The following COL23A1 variants were observed in gnomAD, a reference collection of about 807,000 sequenced individuals.
The protein encoded by COL23A1 is collagen alpha-1(XXIII) chain.
COL23A1 carries 97 observed loss-of-function variants against 99.3 expected under a neutral mutation model. The observed-to-expected ratio is 0.98, with a 90% CI of 0.83 to 1.16. The LOEUF is 1.16. Among genes scored for constraint, COL23A1 ranks in the 50% most tolerant of loss-of-function variants. The probability of loss-of-function intolerance (pLI) is 0.00; values close to 1 mark genes in which losing one functional copy is unlikely to be tolerated. For synonymous variants in COL23A1, 320 were observed against 308.2 expected (o/e 1.04, Z -0.40); for missense variants, 762 against 757.4 (o/e 1.01, Z -0.07).
intron 2 of COL23A1, among the ~76,000 whole-genome samples, chr5:178,334,279 C>T (rs906066326): frequency 2.0e-5 from 3 of 152,222 alleles, no homozygotes; most frequent in Admixed American, 2.0e-4. Context: ...ATCAGCAAGA[C>T]GACCCACAAC....
chr5:178,566,774 CCA>C (rs1454228382), intron 1 of COL23A1, among the ~76,000 whole-genome samples: 1 of 151,902 alleles, frequency 6.6e-6, no homozygotes, highest in African/African-American at 2.4e-5. Flanking sequence ...CAAGATCGTG[CCA>C]CTGCACTCCA....
chr5:178,552,191 C>T (rs1377681871), intron 2 of COL23A1, among the ~76,000 whole-genome samples: 2 of 152,172 alleles, frequency 1.3e-5, no homozygotes, highest in East Asian at 3.9e-4. Context: ...TGTTATGGGT[C>T]TTGTACCTCT....
chr5:178,439,859 C>T lies in COL23A1; in HGVS notation c.361+120823G>A, dbSNP rs534070527. 6.6e-6 allele frequency: 1 copy of T among 152,356 alleles called. No homozygotes were observed. The highest frequency in any genetic ancestry group is 2.4e-5 in the African/African-American group (1 of 41,582). The allele number at this position is 152,356 out of a possible 1,614,324, so 9.4% of individuals were successfully genotyped here. On this transcript the variant is annotated intron_variant, in intron 2 of 28. Coordinates refer to ENST00000390654, the MANE Select transcript of COL23A1 (RefSeq NM_173465.4). This position sits in a 1 kb window ranked among gnomAD's most constrained non-coding sequence, Gnocchi z 4.2. The stretch of plus-strand genomic sequence containing the variant: ...GTAGCCAATCAATGGAATACCACTA[C>T]ATGCTACAACATGGATGAGCCCCAG...
At chr5:178,403,856 C>A (rs1418797876) in intron 2 of COL23A1, among the ~76,000 whole-genome samples, 1 of 152,240 alleles carries the variant, frequency 6.6e-6, no homozygotes, top group Non-Finnish European at 1.5e-5. Flanking sequence ...CGCTTGTGAG[C>A]CTTTTGGGGT....
chr5:178,359,829 A>G (rs1357538212), intron 2 of COL23A1, among the ~76,000 whole-genome samples: 1 of 152,226 alleles, frequency 6.6e-6, no homozygotes, highest in Non-Finnish European at 1.5e-5. Flanking sequence ...TAGGGAGAAG[A>G]TGGAGCAGGA....
chr5:178,413,140 C>CAT (rs1181098620), intron 2 of COL23A1, among the ~76,000 whole-genome samples: 1 of 152,066 alleles, frequency 6.6e-6, no homozygotes, highest in Admixed American at 6.6e-5. Context: ...CTATGACTGT[C>CAT]ATAGCATTCC....
chr5:178,359,141 T>C (rs1762040371), intron 2 of COL23A1, among the ~76,000 whole-genome samples: 1 of 152,196 alleles, frequency 6.6e-6, no homozygotes, highest in Non-Finnish European at 1.5e-5. Context: ...GCAGTAAATA[T>C]TCATGCAACC....
intron 1 of COL23A1, among the ~76,000 whole-genome samples, chr5:178,567,384 C>T (rs1762888391): frequency 6.6e-6 from 1 of 152,032 alleles, no homozygotes; most frequent in African/African-American, 2.4e-5. Context: ...CTTACAGTGC[C>T]CGAAAGTAAG....
intron 2 of COL23A1, among the ~76,000 whole-genome samples, chr5:178,496,664 C>T (rs142290114): frequency 4.6e-4 from 70 of 152,242 alleles, no homozygotes; most frequent in African/African-American, 1.6e-3. Flanking sequence ...GAAATCATGA[C>T]TATGACAAAG....
rs2546623 is a variant in COL23A1 at position 178,544,778 on chromosome 5, G to A, written c.361+15904C>T. Among the ~76,000 whole-genome samples the A allele has an allele frequency of 0.3, 44,992 of 151,950 alleles. 8,457 individuals are homozygous for A. Among genetic ancestry groups the A allele is most frequent in the African/African-American group, 0.54 (22,224 of 41,404 alleles). ...CCCGTGCCACTGGGGTAGTACGTTC[G>A]GGCCAGACGTGGTGGCTCATAGCTG... On this transcript the variant is annotated intron_variant, in intron 2 of 28. Coordinates refer to ENST00000390654, the MANE Select transcript of COL23A1 (RefSeq NM_173465.4). The surrounding 1 kb of genome is among the most constrained non-coding windows in gnomAD (Gnocchi z 4.4).
At chr5:178,331,317 C>T (rs933925801) in intron 2 of COL23A1, among the ~76,000 whole-genome samples, 1 of 152,238 alleles carries the variant, frequency 6.6e-6, no homozygotes, top group Non-Finnish European at 1.5e-5. Context: ...AAAGTGAGGT[C>T]ATGGAAGGTG....
chr5:178,287,396 C>T (rs1001955733), intron 5 of COL23A1, among the ~76,000 whole-genome samples: 1 of 152,238 alleles, frequency 6.6e-6, no homozygotes, highest in Non-Finnish European at 1.5e-5. Context: ...GGGTTTGTGA[C>T]ACATCATGTG....
chr5:178,457,592 G>A (rs759399340), intron 2 of COL23A1, among the ~76,000 whole-genome samples: 1 of 152,048 alleles, frequency 6.6e-6, no homozygotes, highest in Non-Finnish European at 1.5e-5. Flanking sequence ...CTTCAAATAT[G>A]GAATATTATG....
intron 8 of COL23A1, chr5:178,265,843 G>C (rs1441304215): frequency 1.5e-5 from 4 of 261,176 alleles, no homozygotes; most frequent in Non-Finnish European, 2.4e-5. Flanking sequence ...AGGCAGTTAG[G>C]TGATCAGGTG....
chr5:178,488,976 T>C (rs1375132254), intron 2 of COL23A1, among the ~76,000 whole-genome samples: 1 of 152,208 alleles, frequency 6.6e-6, no homozygotes, highest in African/African-American at 2.4e-5. Flanking sequence ...GCAGAGACCA[T>C]TCTAAACCAA....
At chr5:178,414,347 C>A (rs1310105494) in intron 2 of COL23A1, among the ~76,000 whole-genome samples, 1 of 152,070 alleles carries the variant, frequency 6.6e-6, no homozygotes, top group Non-Finnish European at 1.5e-5. Context: ...GTCACCACCA[C>A]CACCTGGCAG....
intron 2 of COL23A1, among the ~76,000 whole-genome samples, chr5:178,447,824 T>C (rs915374605): frequency 2.0e-5 from 3 of 152,138 alleles, no homozygotes; most frequent in African/African-American, 4.8e-5. Context: ...GTAAGGCTGG[T>C]AGAGTACTGC....
chr5:178,496,477 A>G (rs1380645028), intron 2 of COL23A1, among the ~76,000 whole-genome samples: 1 of 152,230 alleles, frequency 6.6e-6, no homozygotes. Flanking sequence ...TTGTAGCCGG[A>G]CTAATTTGCA....
At chr5:178,326,786 T>C (rs556822876) in intron 2 of COL23A1, among the ~76,000 whole-genome samples, 17 of 152,310 alleles carry the variant, frequency 1.1e-4, no homozygotes, top group South Asian at 8.3e-4. Flanking sequence ...GTGGCGCGAT[T>C]TCGGCTCACT....
Sources: allele counts gnomAD v4.1 joint callset (sites outside exome capture counted in the v4.1 genomes callset), GRCh38; gene constraint gnomAD v4.1.1; non-coding constraint Gnocchi (gnomAD v3.1); transcripts MANE v1.5; gene names NCBI Gene and HGNC (gene_info 2026-07-23, HGNC 2026-07-21).